The following THEMIS variants were observed in gnomAD, a reference collection of about 807,000 sequenced individuals.
THEMIS encodes thymocyte selection associated.
A neutral mutation model predicts 52.6 loss-of-function variants in THEMIS; 37 were observed. The observed-to-expected ratio is 0.70, with a 90% CI of 0.54 to 0.93. The LOEUF (loss-of-function observed/expected upper bound fraction) is 0.93, where lower values mean the gene tolerates loss of function less well. Ranked by LOEUF, THEMIS falls within the 40% of genes least tolerant of loss-of-function variation. THEMIS has a pLI of 0.00. For missense variants in THEMIS, 808 were observed against 763.1 expected (o/e 1.06, Z -0.69); for synonymous variants, 292 against 272.7 (o/e 1.07, Z -0.70).
chr6:127,713,813 T>C (rs1020368310), intron 5 of THEMIS, among the ~76,000 whole-genome samples: 3 of 151,628 alleles, frequency 2.0e-5, no homozygotes, highest in African/African-American at 7.3e-5. Flanking sequence ...AAAGGAGAAG[T>C]AGAGAGGCCA....
chr6:127,840,644 T>C (rs959181462), intron 2 of THEMIS, among the ~76,000 whole-genome samples: 1 of 152,132 alleles, frequency 6.6e-6, no homozygotes, highest in Non-Finnish European at 1.5e-5. Context: ...CACAAAATCC[T>C]GCACATGAAT....
At chr6:127,852,118 T>A (rs529259577) in intron 2 of THEMIS, among the ~76,000 whole-genome samples, 1 of 151,488 alleles carries the variant, frequency 6.6e-6, no homozygotes, top group Non-Finnish European at 1.5e-5. Flanking sequence ...CAAAATAGAC[T>A]TTAAAACAAA....
chr6:127,854,405 G>A (rs1202320238), intron 2 of THEMIS, among the ~76,000 whole-genome samples: 3 of 151,870 alleles, frequency 2.0e-5, no homozygotes, highest in Non-Finnish European at 4.4e-5. Flanking sequence ...TAAAAAATAT[G>A]GCAAATGAGA....
chr6:127,713,924 C>T (rs549786902), intron 5 of THEMIS, among the ~76,000 whole-genome samples: 9 of 151,772 alleles, frequency 5.9e-5, no homozygotes, highest in South Asian at 2.1e-4. Context: ...GCCATGTGTA[C>T]GAGCAAATAG....
chr6:127,807,427 C>T (rs1481693887), intron 4 of THEMIS: 1 of 184,972 alleles, frequency 5.4e-6, no homozygotes, highest in African/African-American at 2.5e-5. Flanking sequence ...GTCAAAAAAG[C>T]TAAAATTGTA....
chr6:127,879,128 T>C (rs2114418598), intron 1 of THEMIS, among the ~76,000 whole-genome samples: 1 of 152,376 alleles, frequency 6.6e-6, no homozygotes, highest in Admixed American at 6.5e-5. Flanking sequence ...CTATTTCTAA[T>C]GCACAGAGGA....
chr6:127,711,457 C>CATTTGTAAA (rs1773979495), intron 5 of THEMIS, among the ~76,000 whole-genome samples: 1 of 151,918 alleles, frequency 6.6e-6, no homozygotes, highest in South Asian at 2.1e-4. Context: ...AATTTACTTT[C>CATTTGTAAA]CTCTGTCAAC....
intron 1 of THEMIS, among the ~76,000 whole-genome samples, chr6:127,910,298 C>A (rs1221408803): frequency 6.6e-6 from 1 of 152,092 alleles, no homozygotes; most frequent in Non-Finnish European, 1.5e-5. Flanking sequence ...CAACAAGCCT[C>A]ATCATTTTGT....
chr6:127,912,989 T>C (rs1253947911), intron 1 of THEMIS, among the ~76,000 whole-genome samples: 1 of 152,176 alleles, frequency 6.6e-6, no homozygotes, highest in Non-Finnish European at 1.5e-5. Context: ...CTCTTCCAGA[T>C]CTGTATCCCT....
chr6:127,836,823 CT>C lies in THEMIS; in HGVS notation c.251-6890del, dbSNP rs1485684254. ...CCAGTGGATTTGACTTGGACAGGAG[CT>C]TACTGGCCCCTGACGGTCCTCTCTG... is the stretch of plus-strand genomic sequence containing the variant. On this transcript the variant is annotated intron_variant, in intron 2 of 5. Transcript: ENST00000368248. Among the ~76,000 whole-genome samples the C allele has an allele frequency of 1.1e-3, 164 of 152,212 alleles. 2 individuals carry two copies. Among genetic ancestry groups the C allele is most frequent in the Non-Finnish European group, 1.5e-4 (10 of 68,010 alleles).
chr6:127,726,611 G>A (rs1774556487), intron 4 of THEMIS, among the ~76,000 whole-genome samples: 1 of 152,166 alleles, frequency 6.6e-6, no homozygotes, highest in South Asian at 2.1e-4. Context: ...TATTTTCCCT[G>A]ATGAAAACTG....
chr6:127,906,178 A>G (rs1338549927), intron 1 of THEMIS, among the ~76,000 whole-genome samples: 1 of 151,496 alleles, frequency 6.6e-6, no homozygotes, highest in Non-Finnish European at 1.5e-5. Context: ...AAAAATGGGA[A>G]AATAAATACC....
At chr6:127,729,231 A>G (rs1044067248) in intron 4 of THEMIS, among the ~76,000 whole-genome samples, 1 of 140,184 alleles carries the variant, frequency 7.1e-6, no homozygotes, top group African/African-American at 2.7e-5. Context: ...TAGCAAGCTC[A>G]TTGCTGGTTT....
intron 5 of THEMIS, among the ~76,000 whole-genome samples, chr6:127,718,326 C>A (rs755335294): frequency 3.3e-5 from 5 of 151,846 alleles, no homozygotes; most frequent in Non-Finnish European, 7.4e-5. Context: ...GTTAGGGGGT[C>A]TCACTTGCCT....
intron 4 of THEMIS, among the ~76,000 whole-genome samples, chr6:127,792,483 T>C (rs1213200619): frequency 6.6e-6 from 1 of 152,192 alleles, no homozygotes; most frequent in African/African-American, 2.4e-5. Flanking sequence ...GTTTTATTAT[T>C]ATAGTTTCTG....
In THEMIS at chr6:127,713,137, T is replaced by C. The variant is rs143802426; in HGVS notation, c.1895-3121A>G. Among the ~76,000 whole-genome samples, 34 of 152,016 alleles carry C rather than the reference T, an allele frequency of 2.2e-4. 2 individuals are homozygous for C. In the East Asian group the frequency reaches 4.7e-3, roughly 21 times the overall value. On this transcript the variant is annotated intron_variant, in intron 5 of 5. Transcript: ENST00000368248. The stretch of plus-strand genomic sequence containing the variant: ...CTGAACAGTTTCAACAGGATTTTCA[T>C]TCATGTTTTCATATTTTTACCCACC...
chr6:127,703,489 C>T (rs879469844), downstream of THEMIS, among the ~76,000 whole-genome samples: 3 of 152,146 alleles, frequency 2.0e-5, no homozygotes, highest in Non-Finnish European at 2.9e-5. Context: ...AGGGCTCAGA[C>T]ACCAAGCTGC....
chr6:127,710,018 TATAA>T lies in THEMIS; in HGVS notation c.1895-6_1895-3del. The T allele has an allele frequency of 1.3e-6, 2 of 1,564,896 alleles. No homozygotes were observed. The highest frequency in any genetic ancestry group is 1.7e-6 in the Non-Finnish European group (2 of 1,150,748). ...GATGTTTTTCATTTTTGAATGTTTCTATAAATAAAAAAAGAAGGGTTTATCAGAA... is the reference window on the plus strand; with the variant it reads ...GATGTTTTTCATTTTTGAATGTTTCTATAAAAAAAGAAGGGTTTATCAGAA... On this transcript the variant is annotated splice_polypyrimidine_tract_variant and splice_region_variant and intron_variant, in intron 5 of 5. Coordinates refer to ENST00000368248, the MANE Select transcript of THEMIS (RefSeq NM_001010923.3).
chr6:127,802,766 C>A (rs540862830), intron 4 of THEMIS, among the ~76,000 whole-genome samples: 2 of 152,126 alleles, frequency 1.3e-5, no homozygotes, highest in Admixed American at 6.5e-5. Context: ...ACTACATTAC[C>A]GACAATTCAT....
Sources: allele counts gnomAD v4.1 joint callset (sites outside exome capture counted in the v4.1 genomes callset), GRCh38; gene constraint gnomAD v4.1.1; transcripts MANE v1.5; gene names NCBI Gene and HGNC (gene_info 2026-07-23, HGNC 2026-07-21).